Variants in ATRNL1 observed in about 807,000 individuals in gnomAD.
ATRNL1 encodes attractin-like protein 1.
In ATRNL1, 95 loss-of-function variants were observed where a neutral mutation model predicts 182.7. The observed-to-expected ratio is 0.52, with a 90% CI of 0.44 to 0.62. ATRNL1 has a LOEUF of 0.62. ATRNL1 is among the 20% of genes least tolerant of loss of function. The pLI is 0.00. For missense variants in ATRNL1, 1,471 were observed against 1,679.5 expected, an observed-to-expected ratio of 0.88 and a Z score of 2.17; for synonymous variants, 576 against 568.3, an observed-to-expected ratio of 1.01 and a Z score of -0.19.
intron 26 of ATRNL1, among the ~76,000 whole-genome samples, chr10:115,659,486 G>A (rs1860539691): frequency 6.6e-6 from 1 of 151,984 alleles, no homozygotes. Flanking sequence ...GGCCCACAAG[G>A]AAAATATATC....
chr10:115,346,744 T>C (rs538623273), intron 19 of ATRNL1, among the ~76,000 whole-genome samples: 1 of 152,232 alleles, frequency 6.6e-6, no homozygotes. Flanking sequence ...TTTTTTGCTG[T>C]TGAATTGAAA....
At chr10:115,624,992 A>G (rs1185786626) in intron 26 of ATRNL1, among the ~76,000 whole-genome samples, 4 of 152,172 alleles carry the variant, frequency 2.6e-5, no homozygotes, top group African/African-American at 9.7e-5. Flanking sequence ...CTAAATTAAA[A>G]CCAAAGCAGG....
At position 115,536,316 on chromosome 10, in the gene ATRNL1, C is replaced by T. The variant is rs371102418; in HGVS notation, c.3717-13142C>T. Among the ~76,000 whole-genome samples the T allele has an allele frequency of 7.2e-5, 11 of 152,286 alleles. No homozygotes were observed. The South Asian group carries it at 8.3e-4, about 11-fold the overall frequency. On this transcript the variant is annotated intron_variant, in intron 25 of 28. Coordinates refer to ENST00000355044, the MANE Select transcript of ATRNL1 (RefSeq NM_207303.4). ...TTACCTAAGCAAGCCTGGGCAATGGCGGGCGCCCCTCCCCCAGCCTCGCTG... is the reference window on the plus strand; with the variant it reads ...TTACCTAAGCAAGCCTGGGCAATGGTGGGCGCCCCTCCCCCAGCCTCGCTG...
chr10:115,530,353 CA>C (rs1851493326), intron 25 of ATRNL1, among the ~76,000 whole-genome samples: 1 of 152,048 alleles, frequency 6.6e-6, no homozygotes, highest in African/African-American at 2.4e-5. Flanking sequence ...AAGGATCAGA[CA>C]TTTATTTTTT....
chr10:115,351,031 T>G (rs1343833189), intron 19 of ATRNL1, among the ~76,000 whole-genome samples: 2 of 152,162 alleles, frequency 1.3e-5, no homozygotes, highest in Non-Finnish European at 2.9e-5. Flanking sequence ...TGGGATTACT[T>G]TTTGATTTTT....
intron 24 of ATRNL1, among the ~76,000 whole-genome samples, chr10:115,481,098 A>G (rs1848743062): frequency 6.6e-6 from 1 of 150,768 alleles, no homozygotes; most frequent in Non-Finnish European, 1.5e-5. Context: ...TTAAATATTC[A>G]TAATAATCCC....
intron 27 of ATRNL1, among the ~76,000 whole-genome samples, chr10:115,781,904 T>C (rs992225800): frequency 2.2e-4 from 33 of 152,204 alleles, no homozygotes; most frequent in African/African-American, 7.5e-4. Flanking sequence ...TATGGTCAGC[T>C]GTTATATAGT....
At chr10:115,465,524 A>G (rs1017339858) in intron 22 of ATRNL1, among the ~76,000 whole-genome samples, 1 of 151,608 alleles carries the variant, frequency 6.6e-6, no homozygotes, top group African/African-American at 2.4e-5. Context: ...GAAAATCTCA[A>G]TATGTTTGAC....
intron 7 of ATRNL1, among the ~76,000 whole-genome samples, chr10:115,170,827 A>C (rs1386263785): frequency 6.6e-6 from 1 of 152,000 alleles, no homozygotes; most frequent in Non-Finnish European, 1.5e-5. Context: ...AGCTTTTTGA[A>C]AGCTTTGCTG....
At chr10:115,644,004 C>G (rs1487586785) in intron 26 of ATRNL1, among the ~76,000 whole-genome samples, 2 of 152,112 alleles carry the variant, frequency 1.3e-5, no homozygotes, top group African/African-American at 4.8e-5. Context: ...CACACAAAAG[C>G]TGTATGTGAA....
intron 27 of ATRNL1, among the ~76,000 whole-genome samples, chr10:115,831,400 A>AT (rs1321420291): frequency 1.3e-5 from 2 of 152,054 alleles, no homozygotes; most frequent in Non-Finnish European, 2.9e-5. Flanking sequence ...TTTTTAACAG[A>AT]TTTTATTTGT....
intron 26 of ATRNL1, among the ~76,000 whole-genome samples, chr10:115,592,577 C>T (rs1555012638): frequency 1.3e-5 from 2 of 152,182 alleles, no homozygotes; most frequent in Non-Finnish European, 1.5e-5. Flanking sequence ...CTTTTTGCCT[C>T]CATGAGTTTG....
chr10:115,614,483 A>G lies in ATRNL1; in HGVS notation c.3795+64947A>G, dbSNP rs187822648. 2.0e-5 allele frequency among the ~76,000 whole-genome samples: 3 copies of G among 152,288 alleles called. No homozygotes were observed. The East Asian group carries it at 5.8e-4, about 29-fold the overall frequency. On this transcript the variant is annotated intron_variant, in intron 26 of 28. Transcript: ENST00000355044. Reference sequence around the variant, plus strand: ...CTGGAGAACATTTCATATGCTGAAGAGAAGATTGTTTTCTGCAGCTCTTGG... The same window carrying G: ...CTGGAGAACATTTCATATGCTGAAGGGAAGATTGTTTTCTGCAGCTCTTGG...
intron 28 of ATRNL1, among the ~76,000 whole-genome samples, chr10:115,923,500 C>T (rs1953129235): frequency 1.3e-5 from 2 of 152,072 alleles, no homozygotes; most frequent in Admixed American, 6.6e-5. Context: ...TGGGTGGGAA[C>T]ATGTGTCGTT....
At chr10:115,483,266 A>C (rs1848856499) in intron 24 of ATRNL1, among the ~76,000 whole-genome samples, 1 of 151,408 alleles carries the variant, frequency 6.6e-6, no homozygotes, top group African/African-American at 2.4e-5. Context: ...AGAAGTCACC[A>C]GAAACTTGTA....
chr10:115,677,782 AG>A (rs1409104175), intron 26 of ATRNL1, among the ~76,000 whole-genome samples: 1 of 151,986 alleles, frequency 6.6e-6, no homozygotes, highest in African/African-American at 2.4e-5. Context: ...GAGAATAGGG[AG>A]GGGGCTTACC....
At chr10:115,741,903 A>G (rs189459998) in intron 27 of ATRNL1, among the ~76,000 whole-genome samples, 7 of 152,296 alleles carry the variant, frequency 4.6e-5, no homozygotes, top group African/African-American at 1.4e-4. Context: ...GCTGAGAAAG[A>G]GTACAGAATT....
chr10:115,244,848 TAATC>T (rs1172639848), intron 10 of ATRNL1, among the ~76,000 whole-genome samples: 1 of 152,196 alleles, frequency 6.6e-6, no homozygotes, highest in Non-Finnish European at 1.5e-5. Flanking sequence ...GTTTTTTTCT[TAATC>T]AAAAAGATAA....
chr10:115,881,327 G>C (rs1317672127), intron 28 of ATRNL1, among the ~76,000 whole-genome samples: 1 of 152,164 alleles, frequency 6.6e-6, no homozygotes. Flanking sequence ...CCGGTGCCCA[G>C]CCCTTAGCCA....
Sources: allele counts gnomAD v4.1 joint callset (sites outside exome capture counted in the v4.1 genomes callset), GRCh38; gene constraint gnomAD v4.1.1; transcripts MANE v1.5; gene names NCBI Gene and HGNC (gene_info 2026-07-23, HGNC 2026-07-21).